The following SEC14L6 variants were observed in gnomAD, a reference collection of about 807,000 sequenced individuals.
The protein encoded by SEC14L6 is SEC14 like lipid binding 6.
A neutral mutation model predicts 54.1 loss-of-function variants in SEC14L6; 40 were observed. That is an observed-to-expected ratio of 0.74 (90% CI 0.57 to 0.96). SEC14L6 has a LOEUF of 0.96. SEC14L6 is among the 40% of genes least tolerant of loss of function. SEC14L6 has a pLI of 0.00. For synonymous variants in SEC14L6, 171 were observed against 198.4 expected (o/e 0.86, Z 1.16); for missense variants, 471 against 498.3 (o/e 0.95, Z 0.52).
chr22:30,542,993 T>C, intron 1 of SEC14L6: 1 of 1,601,958 alleles, frequency 6.2e-7, no homozygotes, highest in Non-Finnish European at 8.5e-7. Context: ...GGCACTGAGC[T>C]GTCTGTGCGT....
At chr22:30,544,274 A>C in intron 1 of SEC14L6, 1 of 498,636 alleles carries the variant, frequency 2.0e-6, no homozygotes. Context: ...CCCTCTCCCC[A>C]CATTGCCACA....
intron 8 of SEC14L6, among the ~76,000 whole-genome samples, chr22:30,528,422 C>CTTTTTT (rs375073961): frequency 9.5e-6 from 1 of 105,520 alleles, no homozygotes; most frequent in South Asian, 3.2e-4. Context: ...CGCTCGGCCT[C>CTTTTTT]TTTTTTTTTT....
rs1469101691 is a variant in SEC14L6 at position 30,531,981 on chromosome 22, C to T, written c.441G>A (p.Glu147=). ...LQSQKLGKRV[E]KIIAIFGLEG... ...CGAGACCAAAAATAGCTATGATTTT[C>T]TCCACCCTCTTCCCCAGCTGCAAGG... Residue 147 remains glutamate, a synonymous_variant, in exon 6 of 12, where the codon GAG becomes GAA. Coordinates refer to ENST00000402034, the MANE Select transcript of SEC14L6 (RefSeq NM_001193336.4). 6.4e-7 allele frequency: 1 copy of T among 1,550,780 alleles called. No homozygotes were observed. The highest frequency in any genetic ancestry group is 8.7e-7 in the Non-Finnish European group (1 of 1,146,980).
chr22:30,539,021 T>A, intron 1 of SEC14L6, 119 bp from the exon 2 acceptor site: 1 of 681,612 alleles, frequency 1.5e-6, no homozygotes, highest in Non-Finnish European at 2.6e-6. Context: ...GCTGGGAGGA[T>A]CAGGGTCCGG....
Position 30,532,898 on chromosome 22 carries a change from C to T in SEC14L6, c.175-42G>A, listed in dbSNP as rs756377102. 7 of 1,601,170 alleles carry T rather than the reference C, an allele frequency of 4.4e-6. No homozygotes were observed. In the African/African-American group the frequency reaches 9.4e-5, roughly 21 times the overall value. On this transcript the variant is annotated intron_variant, in intron 3 of 11. Coordinates refer to ENST00000402034, the MANE Select transcript of SEC14L6 (RefSeq NM_001193336.4). Reference sequence around the variant, plus strand: ...GGAGGTGGTGAAGATTCTGCCTGTCCCAAAGACCTCTGTGGATACCTGGGG... The same window carrying T: ...GGAGGTGGTGAAGATTCTGCCTGTCTCAAAGACCTCTGTGGATACCTGGGG...
intron 1 of SEC14L6, among the ~76,000 whole-genome samples, chr22:30,540,417 A>G (rs975487993): frequency 8.1e-6 from 1 of 123,606 alleles, no homozygotes; most frequent in African/African-American, 3.2e-5. Context: ...ACTCATGGGC[A>G]TTAAGATCAA....
chr22:30,540,537 G>A (rs2085686304), intron 1 of SEC14L6, among the ~76,000 whole-genome samples: 1 of 151,818 alleles, frequency 6.6e-6, no homozygotes, highest in Non-Finnish European at 1.5e-5. Flanking sequence ...GCATCAAGGT[G>A]AAACCTCATT....
chr22:30,542,548 C>G, intron 1 of SEC14L6: 3 of 1,294,498 alleles, frequency 2.3e-6, no homozygotes, highest in Non-Finnish European at 3.0e-6. Flanking sequence ...CCTTCCAGCC[C>G]TCGCGGGCGG....
chr22:30,533,775 T>C (rs1937059686), intron 3 of SEC14L6, among the ~76,000 whole-genome samples: 1 of 152,166 alleles, frequency 6.6e-6, no homozygotes, highest in Non-Finnish European at 1.5e-5. Context: ...GTACTTTCCA[T>C]TCTCAGGAAT....
intron 1 of SEC14L6, chr22:30,542,916 T>G: frequency 6.2e-7 from 1 of 1,601,156 alleles, no homozygotes; most frequent in South Asian, 1.1e-5. Context: ...CCCCAGCAGA[T>G]GCCGGCACCT....
chr22:30,528,852 C>T (rs1400256698), intron 8 of SEC14L6, among the ~76,000 whole-genome samples: 1 of 152,162 alleles, frequency 6.6e-6, no homozygotes, highest in Non-Finnish European at 1.5e-5. Flanking sequence ...GCTCTCCTAA[C>T]CTCAAATCGG....
At chr22:30,534,226 C>G (rs549703564) in intron 2 of SEC14L6, among the ~76,000 whole-genome samples, 187 bp from the exon 3 acceptor site, 2 of 152,300 alleles carry the variant, frequency 1.3e-5, no homozygotes, top group Non-Finnish European at 2.9e-5. Flanking sequence ...GACACAGGCT[C>G]CTTGATTCCC....
intron 1 of SEC14L6, chr22:30,544,132 C>A: frequency 8.1e-7 from 1 of 1,229,964 alleles, no homozygotes. Flanking sequence ...CTTCCTTGTC[C>A]CACAAGGAGC....
At chr22:30,536,713 G>A (rs1216728066) in intron 2 of SEC14L6, among the ~76,000 whole-genome samples, 1 of 152,038 alleles carries the variant, frequency 6.6e-6, no homozygotes, top group Non-Finnish European at 1.5e-5. Context: ...GAGGAGGAGG[G>A]AAAGAGAAGA....
chr22:30,534,386 A>AAT (rs1158082535), intron 2 of SEC14L6, among the ~76,000 whole-genome samples: 2 of 150,768 alleles, frequency 1.3e-5, no homozygotes, highest in Admixed American at 1.3e-4. Context: ...AGGAGCCCTT[A>AAT]ATACTCTTTA....
At chr22:30,537,320 A>T (rs973159877) in intron 2 of SEC14L6, among the ~76,000 whole-genome samples, 1 of 152,174 alleles carries the variant, frequency 6.6e-6, no homozygotes, top group Non-Finnish European at 1.5e-5. Flanking sequence ...TGAGAAATCA[A>T]GAGAGATAGC....
At chr22:30,541,600 G>A (rs1179946318) in intron 1 of SEC14L6, among the ~76,000 whole-genome samples, 3 of 152,102 alleles carry the variant, frequency 2.0e-5, no homozygotes, top group Non-Finnish European at 4.4e-5. Context: ...AGAGGCTGAA[G>A]TGAGCCAAGA....
intron 1 of SEC14L6, chr22:30,542,633 C>T: frequency 9.7e-6 from 15 of 1,542,994 alleles, no homozygotes; most frequent in African/African-American, 1.4e-5. Context: ...CTGCTCCCCG[C>T]GTCCTGCGCC....
intron 2 of SEC14L6, among the ~76,000 whole-genome samples, chr22:30,536,398 G>C (rs2085600824): frequency 6.6e-6 from 1 of 152,092 alleles, no homozygotes; most frequent in Middle Eastern, 3.2e-3. Context: ...AACCCCCCAG[G>C]GAAGGAGTCT....
Sources: allele counts gnomAD v4.1 joint callset (sites outside exome capture counted in the v4.1 genomes callset), GRCh38; gene constraint gnomAD v4.1.1; transcripts MANE v1.5; gene names NCBI Gene and HGNC (gene_info 2026-07-23, HGNC 2026-07-21).